The following CLVS1 variants were observed in gnomAD, a reference collection of about 807,000 sequenced individuals.
CLVS1 encodes the protein clavesin 1.
A neutral mutation model predicts 33.1 loss-of-function variants in CLVS1; 10 were observed. The observed-to-expected ratio is 0.30, with a 90% CI of 0.19 to 0.51. The LOEUF (loss-of-function observed/expected upper bound fraction) is 0.51, where lower values mean the gene tolerates loss of function less well. Ranked by LOEUF, CLVS1 falls within the 20% of genes least tolerant of loss-of-function variation. The probability of loss-of-function intolerance (pLI) is 0.97; values close to 1 mark genes in which losing one functional copy is unlikely to be tolerated. For missense variants in CLVS1, 343 were observed against 433.4 expected (o/e 0.79, Z 1.85); for synonymous variants, 163 against 166.1 (o/e 0.98, Z 0.14).
chr8:61,355,279 A>C (rs1366762509), intron 2 of CLVS1, among the ~76,000 whole-genome samples: 1 of 151,818 alleles, frequency 6.6e-6, no homozygotes, highest in Non-Finnish European at 1.5e-5. Context: ...GTTTAAGAGG[A>C]AGAAGTTTCT....
At chr8:61,418,149 A>G (rs1358813985) in intron 3 of CLVS1, among the ~76,000 whole-genome samples, 2 of 152,214 alleles carry the variant, frequency 1.3e-5, no homozygotes, top group East Asian at 1.9e-4. Flanking sequence ...AGTTTCTTCA[A>G]CCATAAAAAT....
intron 2 of CLVS1, among the ~76,000 whole-genome samples, chr8:61,267,824 A>G (rs994994872): frequency 1.3e-5 from 2 of 152,190 alleles, no homozygotes; most frequent in African/African-American, 4.8e-5. Context: ...ATAGGCTTTA[A>G]TTTATTGTAA....
At chr8:61,146,612 G>A in intron 2 of CLVS1, among the ~76,000 whole-genome samples, 1 of 152,236 alleles carries the variant, frequency 6.6e-6, no homozygotes, top group Admixed American at 6.5e-5. Flanking sequence ...ATTCATATTA[G>A]AAAAACTGTT....
At chr8:61,045,955 G>T in the CLVS1 span, among the ~76,000 whole-genome samples, 1 of 152,114 alleles carries the variant, frequency 6.6e-6, no homozygotes, top group African/African-American at 2.4e-5. Flanking sequence ...ACACTCTGAT[G>T]GTAGTTTCTT....
chr8:61,159,249 T>C (rs1806708692), intron 2 of CLVS1, among the ~76,000 whole-genome samples: 1 of 152,220 alleles, frequency 6.6e-6, no homozygotes, highest in South Asian at 2.1e-4. Flanking sequence ...GTTTAGGAGA[T>C]GCTAAGTAAA....
At chr8:61,308,389 T>TA (rs1810706837) in intron 2 of CLVS1, among the ~76,000 whole-genome samples, 2 of 152,202 alleles carry the variant, frequency 1.3e-5, no homozygotes, top group South Asian at 4.2e-4. Context: ...AGTGGTTAGA[T>TA]GTTTCAAAAT....
chr8:61,038,453 A>G, the CLVS1 span, among the ~76,000 whole-genome samples: 9,751 of 147,144 alleles, frequency 0.066, 535 homozygotes, highest in East Asian at 0.3. Context: ...ATATATATAT[A>G]TATGACATAT....
chr8:61,300,329 T>A, intron 2 of CLVS1, 47 bp downstream of exon 2: 1 of 1,477,686 alleles, frequency 6.8e-7, no homozygotes, highest in Non-Finnish European at 9.2e-7. Flanking sequence ...GCTATAAGCA[T>A]TATCACTGCA....
chr8:61,115,199 T>C (rs781199278), intron 1 of CLVS1, among the ~76,000 whole-genome samples: 1 of 152,178 alleles, frequency 6.6e-6, no homozygotes, highest in Non-Finnish European at 1.5e-5. Flanking sequence ...CTCTAAATCA[T>C]AGTATTCTCA....
chr8:61,243,153 A>G (rs1019913828), intron 2 of CLVS1, among the ~76,000 whole-genome samples: 1 of 152,246 alleles, frequency 6.6e-6, no homozygotes, highest in Non-Finnish European at 1.5e-5. Flanking sequence ...ATAGACTTAT[A>G]TGGCAAATTT....
intron 2 of CLVS1, among the ~76,000 whole-genome samples, chr8:61,171,133 T>C (rs901181344): frequency 4.6e-5 from 7 of 152,176 alleles, no homozygotes; most frequent in Non-Finnish European, 1.0e-4. Flanking sequence ...TAGTTTTAAA[T>C]TCCATGGCTC....
chr8:61,089,795 C>A (rs1406301327), intron 1 of CLVS1, among the ~76,000 whole-genome samples: 1 of 151,922 alleles, frequency 6.6e-6, no homozygotes, highest in East Asian at 1.9e-4. Flanking sequence ...GGGGCATGTA[C>A]CTGCAGTCCT....
At chr8:61,035,180 C>CTTTT in the CLVS1 span, among the ~76,000 whole-genome samples, 6 of 86,008 alleles carry the variant, frequency 7.0e-5, no homozygotes, top group Non-Finnish European at 1.0e-4. Context: ...CTTTTCTTTT[C>CTTTT]TTTTTTCTTT....
intron 3 of CLVS1, among the ~76,000 whole-genome samples, chr8:61,405,099 G>T: frequency 6.6e-6 from 1 of 152,314 alleles, no homozygotes; most frequent in Middle Eastern, 3.4e-3. Flanking sequence ...TCTCTGGGGG[G>T]TAGTGAATAT....
the CLVS1 span, among the ~76,000 whole-genome samples, chr8:60,981,234 C>T: frequency 3.9e-5 from 6 of 152,308 alleles, no homozygotes; most frequent in South Asian, 1.2e-3. Context: ...CTATGGATTC[C>T]TTCTCAGAAC....
chr8:61,432,911 A>G (rs573717617), intron 3 of CLVS1, among the ~76,000 whole-genome samples: 1 of 152,234 alleles, frequency 6.6e-6, no homozygotes, highest in East Asian at 1.9e-4. Flanking sequence ...CAAAATTTAA[A>G]GAGGAAAGAG....
intron 2 of CLVS1, among the ~76,000 whole-genome samples, chr8:61,254,560 G>GGCTGTACCCAGTTTGAGCTTCCCA (rs1434023184): frequency 2.0e-5 from 3 of 152,152 alleles, no homozygotes; most frequent in African/African-American, 7.2e-5. Context: ...AGCTGTGGTG[G>GGCTGTACCCAGTTTGAGCTTCCCA]GCTGTACCCA....
chr8:61,120,622 A>G lies in CLVS1; in HGVS notation c.-242-11148A>G, dbSNP rs879221322. ...GACCCTCAGCTGCAGGTCTGTTGGA[A>G]TACCCTGCCGTGTGAGGTGTCAGTC... On this transcript the variant is annotated intron_variant, in intron 1 of 2. Coordinates refer to the CLVS1 transcript ENST00000522621. Among the ~76,000 whole-genome samples, 202 of 124,630 alleles carry G rather than the reference A, an allele frequency of 1.6e-3. 4 individuals carry two copies. Among genetic ancestry groups the G allele is most frequent in the African/African-American group, 4.8e-3 (139 of 29,168 alleles). The allele number at this position is 124,630 out of a possible 152,430, so 81.8% of individuals were successfully genotyped here. A position where few individuals can be genotyped will look rare whatever the true frequency, so the allele number is the denominator to read the frequency against.
At chr8:61,311,330 A>G (rs944667992) in intron 2 of CLVS1, among the ~76,000 whole-genome samples, 1 of 152,200 alleles carries the variant, frequency 6.6e-6, no homozygotes, top group African/African-American at 2.4e-5. Context: ...TCTCCCTCTA[A>G]CAATCTCCTT....
Sources: allele counts gnomAD v4.1 joint callset (sites outside exome capture counted in the v4.1 genomes callset), GRCh38; gene constraint gnomAD v4.1.1; transcripts MANE v1.5; gene names NCBI Gene and HGNC (gene_info 2026-07-23, HGNC 2026-07-21).